Variants in CSMD1 observed in about 807,000 individuals in gnomAD.
CSMD1 encodes CUB and Sushi multiple domains 1.
CSMD1 carries 213 observed loss-of-function variants against 417.5 expected under a neutral mutation model. The observed-to-expected ratio is 0.51, with a 90% CI of 0.46 to 0.57. The LOEUF is 0.57. Ranked by LOEUF, CSMD1 falls within the 20% of genes least tolerant of loss-of-function variation. The probability of loss-of-function intolerance (pLI) is 0.00; values close to 1 mark genes in which losing one functional copy is unlikely to be tolerated. For synonymous variants in CSMD1, 2,862 were observed against 1,736.8 expected (o/e 1.65, Z -16.11); for missense variants, 6,923 against 4,529.7 (o/e 1.53, Z -15.17).
At chr8:3,247,872 G>C (rs1274675576) in intron 26 of CSMD1, among the ~76,000 whole-genome samples, 1 of 152,190 alleles carries the variant, frequency 6.6e-6, no homozygotes, top group East Asian at 1.9e-4. Context: ...GGGGGAGCAG[G>C]ATCTCCATGG....
chr8:4,702,278 C>A (rs1807611558), intron 1 of CSMD1, among the ~76,000 whole-genome samples: 1 of 152,134 alleles, frequency 6.6e-6, no homozygotes, highest in South Asian at 2.1e-4. Context: ...AATAAAAAAT[C>A]AACAGGTTGC....
intron 2 of CSMD1, among the ~76,000 whole-genome samples, chr8:4,539,475 T>C (rs1433124050): frequency 6.6e-6 from 1 of 152,152 alleles, no homozygotes; most frequent in Non-Finnish European, 1.5e-5. Context: ...GTGAAAAAAA[T>C]ATAAGCAAAT....
At chr8:4,431,766 C>G (rs1484776663) in intron 2 of CSMD1, among the ~76,000 whole-genome samples, 2 of 151,978 alleles carry the variant, frequency 1.3e-5, no homozygotes, top group Non-Finnish European at 2.9e-5. Flanking sequence ...ACTTCAGTAA[C>G]CTGGCATGTA....
intron 1 of CSMD1, among the ~76,000 whole-genome samples, chr8:4,774,799 A>T (rs1473265335): frequency 6.6e-6 from 1 of 151,716 alleles, no homozygotes; most frequent in Non-Finnish European, 1.5e-5. Flanking sequence ...CTCCCCGCCA[A>T]CCCCCACTCG....
At chr8:4,792,516 T>C (rs1797747059) in intron 1 of CSMD1, among the ~76,000 whole-genome samples, 1 of 152,186 alleles carries the variant, frequency 6.6e-6, no homozygotes, top group Non-Finnish European at 1.5e-5. Flanking sequence ...GTGGTTGCTG[T>C]CTGTGCTTTG....
chr8:3,927,446 C>T (rs1427002087), intron 5 of CSMD1, among the ~76,000 whole-genome samples: 1 of 151,916 alleles, frequency 6.6e-6, no homozygotes, highest in African/African-American at 2.4e-5. Context: ...GCAGGTGGAT[C>T]ACAAGGTCAG....
intron 1 of CSMD1, among the ~76,000 whole-genome samples, chr8:4,709,813 GCA>G (rs1808177970): frequency 6.6e-6 from 1 of 152,124 alleles, no homozygotes. Context: ...GAGGAAAAGA[GCA>G]CAGTGTCCAG....
At chr8:4,783,138 A>G (rs1797234956) in intron 1 of CSMD1, among the ~76,000 whole-genome samples, 1 of 152,242 alleles carries the variant, frequency 6.6e-6, no homozygotes, top group Non-Finnish European at 1.5e-5. Flanking sequence ...ATATGTAATC[A>G]GCAAATTCAT....
intron 3 of CSMD1, among the ~76,000 whole-genome samples, chr8:4,282,352 C>T (rs1796833656): frequency 6.6e-6 from 1 of 152,118 alleles, no homozygotes; most frequent in Non-Finnish European, 1.5e-5. Context: ...ATCTTCTGGC[C>T]ACTGGACAAG....
At chr8:4,055,466 T>C (rs1284912465) in intron 3 of CSMD1, among the ~76,000 whole-genome samples, 5 of 151,752 alleles carry the variant, frequency 3.3e-5, no homozygotes, top group Admixed American at 1.3e-4. Context: ...ATTTAATAAA[T>C]TATATGAAAT....
intron 1 of CSMD1, among the ~76,000 whole-genome samples, chr8:4,911,734 C>A (rs1412015360): frequency 6.6e-6 from 1 of 152,098 alleles, no homozygotes; most frequent in African/African-American, 2.4e-5. Context: ...TAGCAAGGGA[C>A]TGGTAAATCA....
chr8:3,748,210 T>G (rs889013250), intron 6 of CSMD1, among the ~76,000 whole-genome samples: 3 of 152,238 alleles, frequency 2.0e-5, no homozygotes, highest in Non-Finnish European at 4.4e-5. Context: ...GGAAAAGTGG[T>G]TACGTGTTTC....
intron 7 of CSMD1, among the ~76,000 whole-genome samples, chr8:3,673,043 T>C (rs1796433978): frequency 6.6e-6 from 1 of 152,218 alleles, no homozygotes; most frequent in African/African-American, 2.4e-5. Context: ...CTCTAGAAAG[T>C]GAGCATTTAG....
chr8:4,919,345 T>G (rs1360384912), intron 1 of CSMD1, among the ~76,000 whole-genome samples: 1 of 152,182 alleles, frequency 6.6e-6, no homozygotes, highest in East Asian at 1.9e-4. Flanking sequence ...CTATGAAACT[T>G]TGCTGGTACT....
intron 3 of CSMD1, among the ~76,000 whole-genome samples, chr8:4,169,814 TTC>T (rs2131131885): frequency 6.6e-6 from 1 of 152,234 alleles, no homozygotes; most frequent in South Asian, 2.1e-4. Flanking sequence ...CAGCAGCACT[TTC>T]TGTCTGCCCT....
chr8:4,433,134 G>A (rs1022080469), intron 2 of CSMD1, among the ~76,000 whole-genome samples: 3 of 152,194 alleles, frequency 2.0e-5, no homozygotes, highest in African/African-American at 7.2e-5. Flanking sequence ...ACCAGTTGCA[G>A]AAAAACAAGC....
At chr8:3,755,045 T>G (rs1797578681) in intron 5 of CSMD1, among the ~76,000 whole-genome samples, 2 of 152,358 alleles carry the variant, frequency 1.3e-5, no homozygotes, top group South Asian at 4.1e-4. Context: ...AACGTGCAGT[T>G]TAGTTGTCAG....
intron 2 of CSMD1, among the ~76,000 whole-genome samples, chr8:4,622,232 G>C (rs1373452292): frequency 2.6e-5 from 4 of 151,608 alleles, no homozygotes; most frequent in Non-Finnish European, 5.9e-5. Flanking sequence ...GGCTCAGGCA[G>C]AGTACTCAAA....
intron 18 of CSMD1, among the ~76,000 whole-genome samples, chr8:3,382,618 T>C (rs1810709267): frequency 7.0e-6 from 1 of 142,638 alleles, no homozygotes. Context: ...TAATAATAAA[T>C]ATAAATATAA....
Sources: allele counts gnomAD v4.1 joint callset (sites outside exome capture counted in the v4.1 genomes callset), GRCh38; gene constraint gnomAD v4.1.1; transcripts MANE v1.5; gene names NCBI Gene and HGNC (gene_info 2026-07-23, HGNC 2026-07-21).